CFDP1: variants seen among roughly 807,000 people sequenced by gnomAD.
CFDP1 encodes the protein chromatin remodeling protein CFDP1.
In CFDP1, 31 loss-of-function variants were observed where a neutral mutation model predicts 40.1. The observed-to-expected ratio is 0.77, with a 90% CI of 0.58 to 1.04. CFDP1 has a LOEUF of 1.04. CFDP1 is among the 50% of genes least tolerant of loss of function. CFDP1 has a pLI of 0.00. For missense variants in CFDP1, 423 were observed against 343.4 expected (o/e 1.23, Z -1.83); for synonymous variants, 167 against 120.0 (o/e 1.39, Z -2.56).
intron 6 of CFDP1, among the ~76,000 whole-genome samples, chr16:75,296,596 G>A (rs2078184110): frequency 6.6e-6 from 1 of 152,188 alleles, no homozygotes; most frequent in Non-Finnish European, 1.5e-5. Context: ...ACGAATAAAG[G>A]TCCTGCACGT....
At chr16:75,352,892 A>G (rs1165810140) in intron 5 of CFDP1, among the ~76,000 whole-genome samples, 1 of 152,170 alleles carries the variant, frequency 6.6e-6, no homozygotes, top group African/African-American at 2.4e-5. Context: ...ATAAAACATC[A>G]CTCTAATACA....
At chr16:75,356,255 A>T (rs1442588480) in intron 5 of CFDP1, among the ~76,000 whole-genome samples, 1 of 151,878 alleles carries the variant, frequency 6.6e-6, no homozygotes, top group African/African-American at 2.4e-5. Flanking sequence ...GAAAATAAAC[A>T]AATAAACAAG....
intron 5 of CFDP1, among the ~76,000 whole-genome samples, chr16:75,371,496 A>G (rs917222676): frequency 3.3e-5 from 5 of 152,160 alleles, no homozygotes; most frequent in African/African-American, 4.8e-5. Flanking sequence ...TATATATTCA[A>G]ATGTTTTTTA....
At chr16:75,318,018 G>A (rs2078335375) in intron 5 of CFDP1, among the ~76,000 whole-genome samples, 1 of 152,152 alleles carries the variant, frequency 6.6e-6, no homozygotes, top group South Asian at 2.1e-4. Flanking sequence ...CTACTCAGGA[G>A]GATGAGGCAG....
At chr16:75,368,665 T>C (rs1261792823) in intron 5 of CFDP1, among the ~76,000 whole-genome samples, 1 of 152,180 alleles carries the variant, frequency 6.6e-6, no homozygotes, top group Admixed American at 6.5e-5. Context: ...TTTACTTTTG[T>C]GTGTAGGTCT....
At chr16:75,409,220 A>C (rs2079133633) in intron 4 of CFDP1, 2 of 152,172 alleles carry the variant, frequency 1.3e-5, no homozygotes, top group Admixed American at 1.3e-4. Flanking sequence ...TAACACTTCC[A>C]ATGAACAGCC....
intron 5 of CFDP1, among the ~76,000 whole-genome samples, chr16:75,392,075 T>C (rs1406329201): frequency 2.0e-5 from 3 of 152,182 alleles, no homozygotes; most frequent in Non-Finnish European, 4.4e-5. Flanking sequence ...TTTCAGCCTA[T>C]AGCTTCAAAT....
rs769968179 is a variant in CFDP1 at position 75,388,563 on chromosome 16, T to A, written c.650+6527A>T. Among the ~76,000 whole-genome samples, 2 of 152,142 alleles carry A rather than the reference T, an allele frequency of 1.3e-5. 1 individual carries two copies. The highest frequency in any genetic ancestry group is 4.1e-4 in the South Asian group (2 of 4,822). Reference sequence around the variant, plus strand: ...TGTGCCACCCCAGTGTTACCATAGATGAAGAGGGAAGGTAGTGGCAGAAAT... The same window carrying A: ...TGTGCCACCCCAGTGTTACCATAGAAGAAGAGGGAAGGTAGTGGCAGAAAT... On this transcript the variant is annotated intron_variant, in intron 5 of 6. Coordinates refer to ENST00000283882, the MANE Select transcript of CFDP1 (RefSeq NM_006324.3).
intron 5 of CFDP1, among the ~76,000 whole-genome samples, chr16:75,349,371 G>A (rs1375418388): frequency 2.0e-5 from 3 of 151,388 alleles, no homozygotes; most frequent in Non-Finnish European, 2.9e-5. Flanking sequence ...TTAGCCGGGC[G>A]TGGTGGCGGG....
intron 5 of CFDP1, among the ~76,000 whole-genome samples, chr16:75,370,938 C>T (rs1015009387): frequency 6.6e-6 from 1 of 152,176 alleles, no homozygotes; most frequent in Non-Finnish European, 1.5e-5. Flanking sequence ...GACTTGCTTA[C>T]TACAAAATTC....
At chr16:75,424,019 T>C (rs2079307663) in intron 1 of CFDP1, among the ~76,000 whole-genome samples, 1 of 152,128 alleles carries the variant, frequency 6.6e-6, no homozygotes, top group Admixed American at 6.6e-5. Context: ...TGTCAGAAAT[T>C]TGAAAATCAA....
At chr16:75,353,750 A>G (rs1449124509) in intron 5 of CFDP1, among the ~76,000 whole-genome samples, 2 of 6,378 alleles carry the variant, frequency 3.1e-4, no homozygotes. Context: ...GTCCGTCTCA[A>G]AAAAAAAAAA....
At chr16:75,425,899 G>A (rs2079336456) in intron 1 of CFDP1, among the ~76,000 whole-genome samples, 1 of 151,304 alleles carries the variant, frequency 6.6e-6, no homozygotes, top group Admixed American at 6.6e-5. Flanking sequence ...AGCCAGGCGT[G>A]GTGGCAGGCG....
chr16:75,431,578 G>A (rs1223017451), intron 1 of CFDP1, among the ~76,000 whole-genome samples: 2 of 151,868 alleles, frequency 1.3e-5, no homozygotes, highest in Non-Finnish European at 2.9e-5. Flanking sequence ...GGCAGAGGCC[G>A]CATTAAGCAG....
intron 5 of CFDP1, among the ~76,000 whole-genome samples, chr16:75,321,201 G>A (rs2078360865): frequency 6.6e-6 from 1 of 152,184 alleles, no homozygotes; most frequent in Non-Finnish European, 1.5e-5. Context: ...CTGGGCTCAA[G>A]GGATCCTCCT....
chr16:75,413,979 C>T (rs2079183732), intron 2 of CFDP1, among the ~76,000 whole-genome samples: 1 of 151,962 alleles, frequency 6.6e-6, no homozygotes, highest in Non-Finnish European at 1.5e-5. Flanking sequence ...TTTATGTATA[C>T]TTTGTATACA....
At chr16:75,312,810 C>T (rs76809379) in intron 5 of CFDP1, among the ~76,000 whole-genome samples, 3,356 of 152,214 alleles carry the variant, frequency 0.022, 68 homozygotes, top group African/African-American at 0.054. Context: ...TATAAGACAC[C>T]ACCATCCATT....
intron 4 of CFDP1, among the ~76,000 whole-genome samples, chr16:75,410,941 A>G (rs914514885): frequency 6.7e-6 from 1 of 148,928 alleles, no homozygotes; most frequent in African/African-American, 2.5e-5. Context: ...AAAAAAGGCC[A>G]GGAGTGGCAG....
chr16:75,401,738 T>C (rs1423500404), intron 4 of CFDP1, among the ~76,000 whole-genome samples: 2 of 149,292 alleles, frequency 1.3e-5, no homozygotes, highest in Admixed American at 1.4e-4. Flanking sequence ...TTTGGTTTTG[T>C]TTTTTACTAC....
Sources: allele counts gnomAD v4.1 joint callset (sites outside exome capture counted in the v4.1 genomes callset), GRCh38; gene constraint gnomAD v4.1.1; transcripts MANE v1.5; gene names NCBI Gene and HGNC (gene_info 2026-07-23, HGNC 2026-07-21).